CPA6: variants seen among roughly 807,000 people sequenced by gnomAD.
CPA6 encodes the protein carboxypeptidase A6.
A neutral mutation model predicts 63.3 loss-of-function variants in CPA6; 58 were observed. The ratio of observed to expected loss-of-function variants is 0.92; its 90% CI spans 0.74 to 1.14. The LOEUF (loss-of-function observed/expected upper bound fraction) is 1.14, where lower values mean the gene tolerates loss of function less well. Ranked by LOEUF, CPA6 falls within the 50% of genes most tolerant of loss-of-function variation. The pLI, the probability that CPA6 is intolerant of heterozygous loss-of-function variation, is 0.00. For synonymous variants in CPA6, 185 were observed against 179.0 expected (o/e 1.03, Z -0.27); for missense variants, 565 against 526.6 (o/e 1.07, Z -0.71).
chr8:67,599,124 A>G (rs985532901), intron 2 of CPA6, among the ~76,000 whole-genome samples: 2 of 152,190 alleles, frequency 1.3e-5, no homozygotes, highest in African/African-American at 2.4e-5. Flanking sequence ...TAATTTTTTC[A>G]ATTACACATA....
chr8:67,651,208 A>T (rs140790558), intron 1 of CPA6, among the ~76,000 whole-genome samples: 32 of 152,058 alleles, frequency 2.1e-4, no homozygotes, highest in African/African-American at 4.1e-4. Flanking sequence ...TTACTAGGTA[A>T]TTTTTCTCAT....
At chr8:67,549,783 T>C (rs1017690630) in intron 2 of CPA6, among the ~76,000 whole-genome samples, 6 of 152,234 alleles carry the variant, frequency 3.9e-5, no homozygotes, top group African/African-American at 1.4e-4. Flanking sequence ...ATGTCCTCAG[T>C]GTTCATCCAT....
intron 1 of CPA6, among the ~76,000 whole-genome samples, chr8:67,640,344 C>A (rs142276541): frequency 1.1e-4 from 17 of 151,544 alleles, no homozygotes; most frequent in African/African-American, 3.9e-4. Flanking sequence ...CTTTGGCCTC[C>A]CTCCAGTGCT....
At chr8:67,625,069 T>G (rs1815165805) in intron 1 of CPA6, among the ~76,000 whole-genome samples, 1 of 151,944 alleles carries the variant, frequency 6.6e-6, no homozygotes. Context: ...TGTAACAATG[T>G]GTACCAAGCA....
intron 10 of CPA6, among the ~76,000 whole-genome samples, chr8:67,423,987 G>A (rs964932089): frequency 6.6e-6 from 1 of 152,178 alleles, no homozygotes; most frequent in African/African-American, 2.4e-5. Context: ...TTGCATTACT[G>A]CCTGAGCTCT....
intron 1 of CPA6, among the ~76,000 whole-genome samples, chr8:67,627,346 C>T (rs1388838763): frequency 6.6e-6 from 1 of 152,166 alleles, no homozygotes; most frequent in African/African-American, 2.4e-5. Flanking sequence ...AGGGAAGTTT[C>T]AGGTAGTCTA....
intron 1 of CPA6, among the ~76,000 whole-genome samples, chr8:67,706,455 A>G (rs1817137110): frequency 6.6e-6 from 1 of 152,222 alleles, no homozygotes; most frequent in Admixed American, 6.5e-5. Flanking sequence ...GCATGTGAAG[A>G]AAGTAGAACA....
intron 8 of CPA6, among the ~76,000 whole-genome samples, chr8:67,435,628 A>G (rs1362605019): frequency 6.7e-6 from 1 of 149,238 alleles, no homozygotes; most frequent in Non-Finnish European, 1.5e-5. Flanking sequence ...GTGTGCGTGC[A>G]TGTGTGTGTG....
At chr8:67,683,291 G>A (rs1816637259) in intron 1 of CPA6, among the ~76,000 whole-genome samples, 1 of 152,186 alleles carries the variant, frequency 6.6e-6, no homozygotes, top group Non-Finnish European at 1.5e-5. Flanking sequence ...TGCCATAACT[G>A]TTTAAGCCTT....
intron 2 of CPA6, among the ~76,000 whole-genome samples, chr8:67,532,560 T>C (rs982234317): frequency 6.6e-6 from 1 of 152,218 alleles, no homozygotes; most frequent in South Asian, 2.1e-4. Context: ...CGAGTATCTG[T>C]AGACCCAGCT....
At chr8:67,670,448 A>G (rs543274984) in intron 1 of CPA6, among the ~76,000 whole-genome samples, 408 of 152,234 alleles carry the variant, frequency 2.7e-3, no homozygotes, top group Middle Eastern at 0.014. Flanking sequence ...GGGGCTTACA[A>G]TTTGCCATGA....
intron 2 of CPA6, among the ~76,000 whole-genome samples, chr8:67,518,694 A>G (rs1254731097): frequency 1.3e-5 from 2 of 151,164 alleles, no homozygotes; most frequent in African/African-American, 2.4e-5. Flanking sequence ...TTTTTTTAGT[A>G]GAGACAGGGT....
chr8:67,648,988 T>C (rs1815776534), intron 1 of CPA6, among the ~76,000 whole-genome samples: 1 of 152,040 alleles, frequency 6.6e-6, no homozygotes, highest in South Asian at 2.1e-4. Context: ...TTTTTAATGG[T>C]AAACACACAC....
In CPA6 at chr8:67,625,750, A is replaced by G. The variant is rs187401423; in HGVS notation, c.117-1499T>C. Among the ~76,000 whole-genome samples the G allele has an allele frequency of 3.1e-3, 477 of 152,332 alleles. 3 individuals are homozygous for G. The highest frequency in any genetic ancestry group is 0.011 in the African/African-American group (457 of 41,570). On this transcript the variant is annotated intron_variant, in intron 1 of 10. Coordinates refer to ENST00000297770, the MANE Select transcript of CPA6 (RefSeq NM_020361.5). ...AGGTAGAATATTATTAATAGAATAT[A>G]AAGCAGAAAACAAAAACTCTACTAT...
At chr8:67,698,406 CA>C (rs751905412) in intron 1 of CPA6, among the ~76,000 whole-genome samples, 39 of 152,290 alleles carry the variant, frequency 2.6e-4, no homozygotes, top group South Asian at 1.7e-3. Context: ...TCCTACTTCT[CA>C]AGGCCCTCTT....
rs576906568 is a variant in CPA6, at chr8:67,466,894, C to G, written c.838+16874G>C. The stretch of plus-strand genomic sequence containing the variant: ...GTATGTATCATACACACATATCTGT[C>G]ACGTATAAATATAGATTCATCATTA... On this transcript the variant is annotated intron_variant, in intron 8 of 10. Transcript: ENST00000297770. Among the ~76,000 whole-genome samples, 385 of 152,224 alleles carry G rather than the reference C, an allele frequency of 2.5e-3. 1 individual carries two copies. Among genetic ancestry groups the G allele is most frequent in the Non-Finnish European group, 4.2e-3 (285 of 68,012 alleles).
chr8:67,640,110 C>T (rs966707739), intron 1 of CPA6, among the ~76,000 whole-genome samples: 6 of 151,380 alleles, frequency 4.0e-5, no homozygotes, highest in African/African-American at 1.5e-4. Context: ...CCATGGGCAG[C>T]CATGGGTGGG....
chr8:67,682,687 G>T (rs566272883), intron 1 of CPA6, among the ~76,000 whole-genome samples: 3 of 152,120 alleles, frequency 2.0e-5, no homozygotes, highest in Non-Finnish European at 4.4e-5. Flanking sequence ...CTTCTTTAAG[G>T]CTTGCTTAAA....
chr8:67,675,645 G>A (rs1816454726), intron 1 of CPA6, among the ~76,000 whole-genome samples: 1 of 152,138 alleles, frequency 6.6e-6, no homozygotes, highest in Non-Finnish European at 1.5e-5. Flanking sequence ...TCAACCCACT[G>A]GAATGACATT....
Sources: allele counts gnomAD v4.1 joint callset (sites outside exome capture counted in the v4.1 genomes callset), GRCh38; gene constraint gnomAD v4.1.1; transcripts MANE v1.5; gene names NCBI Gene and HGNC (gene_info 2026-07-23, HGNC 2026-07-21).